PPARGC1A: variants seen among roughly 807,000 people sequenced by gnomAD.
PPARGC1A encodes peroxisome proliferator-activated receptor gamma coactivator 1-alpha.
Under a neutral mutation model 88.7 loss-of-function variants are expected in PPARGC1A, and 25 were observed. That is an observed-to-expected ratio of 0.28 (90% CI 0.21 to 0.39). The LOEUF is 0.39. PPARGC1A is among the 10% of genes least tolerant of loss of function. The pLI is 1.00. For missense variants in PPARGC1A, 880 were observed against 968.7 expected (o/e 0.91, Z 1.22); for synonymous variants, 363 against 355.6 (o/e 1.02, Z -0.24).
intron 1 of PPARGC1A, among the ~76,000 whole-genome samples, chr4:23,896,480 A>C (rs1267737996): frequency 3.3e-5 from 5 of 152,144 alleles, no homozygotes; most frequent in Non-Finnish European, 5.9e-5. Context: ...CAGCTGCTCC[A>C]CTTAGGATGC....
chr4:24,364,663 A>G, the PPARGC1A span, among the ~76,000 whole-genome samples: 12 of 152,260 alleles, frequency 7.9e-5, no homozygotes, highest in Non-Finnish European at 1.0e-4. Context: ...AGAGCAAATA[A>G]TTCCACTTCT....
Position 23,884,923 on chromosome 4 carries a change from A to C in PPARGC1A, c.63T>G (p.Ala21=). The change falls in exon 2 of 13, where the codon GCT becomes GCG. Residue 21 remains alanine, a synonymous_variant. Coordinates refer to ENST00000264867, the MANE Select transcript of PPARGC1A (RefSeq NM_013261.5). ...AAAGAGGCTGGTCTTCACCAACCAG[A>C]GCAGCACACTGCAGGAGGCAGAAAA... ...ESVWSDIECA[A]LVGEDQPLCP... The C allele has an allele frequency of 6.2e-7, 1 of 1,604,288 alleles. No homozygotes were observed. Among genetic ancestry groups the C allele is most frequent in the Non-Finnish European group, 8.5e-7 (1 of 1,175,554 alleles).
At chr4:24,287,635 C>CAT in the PPARGC1A span, among the ~76,000 whole-genome samples, 1 of 4,646 alleles carries the variant, frequency 2.2e-4, no homozygotes, top group South Asian at 0.013. Flanking sequence ...ACACCACATG[C>CAT]ACACACACAC....
the PPARGC1A span, among the ~76,000 whole-genome samples, chr4:24,253,264 T>C: frequency 2.6e-5 from 4 of 152,014 alleles, no homozygotes; most frequent in African/African-American, 9.7e-5. Flanking sequence ...CTTTTACTGC[T>C]CTTTTTGTTC....
At position 23,800,047 on chromosome 4, in the gene PPARGC1A, A is replaced by G. The variant is rs74323903; in HGVS notation, c.2293+1683T>C. Among the ~76,000 whole-genome samples the G allele has an allele frequency of 2.9e-3, 436 of 152,304 alleles. 2 individuals are homozygous for G. Among genetic ancestry groups the G allele is most frequent in the African/African-American group, 1.0e-2 (415 of 41,572 alleles). ...TTCCTACTATCTATTTAGCTTGTGG[A>G]GTGAATTATAGCATATTCCCTGTGA... On this transcript the variant is annotated intron_variant, in intron 12 of 12. Transcript: ENST00000264867.
At chr4:24,086,329 T>C in the PPARGC1A span, among the ~76,000 whole-genome samples, 2 of 152,334 alleles carry the variant, frequency 1.3e-5, no homozygotes, top group South Asian at 2.1e-4. Flanking sequence ...TAGACTTATG[T>C]ACCACCATTC....
chr4:23,874,602 A>T (rs566865720), intron 2 of PPARGC1A, among the ~76,000 whole-genome samples: 1 of 152,068 alleles, frequency 6.6e-6, no homozygotes, highest in African/African-American at 2.4e-5. Context: ...GCACATACAC[A>T]GGCACACACT....
At chr4:24,116,265 T>G in the PPARGC1A span, among the ~76,000 whole-genome samples, 2 of 152,236 alleles carry the variant, frequency 1.3e-5, no homozygotes, top group Admixed American at 6.5e-5. Context: ...GTGCCCTGTC[T>G]GGGCGCTGGC....
chr4:23,901,645 CA>C (rs1354729584), upstream of PPARGC1A, among the ~76,000 whole-genome samples: 1 of 151,792 alleles, frequency 6.6e-6, no homozygotes, highest in African/African-American at 2.4e-5. Flanking sequence ...AGAGGAACCA[CA>C]AAGTATCAAA....
chr4:24,439,037 CA>C, the PPARGC1A span, among the ~76,000 whole-genome samples: 1 of 151,944 alleles, frequency 6.6e-6, no homozygotes, highest in Non-Finnish European at 1.5e-5. Flanking sequence ...GGATGAGATA[CA>C]AAATAAATTG....
chr4:24,157,892 A>T, the PPARGC1A span, among the ~76,000 whole-genome samples: 4,798 of 152,216 alleles, frequency 0.032, 112 homozygotes, highest in Non-Finnish European at 0.045. Flanking sequence ...AGTCAGAAAA[A>T]ATAAAAAAGC....
chr4:23,921,537 G>A, the PPARGC1A span, among the ~76,000 whole-genome samples: 1 of 152,306 alleles, frequency 6.6e-6, no homozygotes, highest in East Asian at 1.9e-4. Context: ...AAAGCCCCCA[G>A]GCACACTGAA....
chr4:23,908,732 AAACTAAAAATCC>A (rs762653294), upstream of PPARGC1A, among the ~76,000 whole-genome samples: 24 of 152,316 alleles, frequency 1.6e-4, no homozygotes, highest in Admixed American at 4.6e-4. Context: ...ATTAAAATTA[AAACTAAAAATCC>A]TTGATAAAAT....
At chr4:24,360,908 G>T in the PPARGC1A span, among the ~76,000 whole-genome samples, 1 of 152,180 alleles carries the variant, frequency 6.6e-6, no homozygotes, top group South Asian at 2.1e-4. Flanking sequence ...AGTACACAGT[G>T]TCTAGTTCAT....
chr4:23,858,545 A>G (rs1272896983), intron 2 of PPARGC1A, among the ~76,000 whole-genome samples: 1 of 152,186 alleles, frequency 6.6e-6, no homozygotes, highest in Admixed American at 6.5e-5. Flanking sequence ...AAGAGAAGAG[A>G]AGGTTGCTGA....
chr4:23,957,509 T>C, the PPARGC1A span, among the ~76,000 whole-genome samples: 1 of 152,130 alleles, frequency 6.6e-6, no homozygotes, highest in Non-Finnish European at 1.5e-5. Context: ...TCTACATCTG[T>C]ATAAAGAAGG....
the PPARGC1A span, among the ~76,000 whole-genome samples, chr4:23,956,720 A>G: frequency 6.6e-6 from 1 of 152,050 alleles, no homozygotes; most frequent in Non-Finnish European, 1.5e-5. Flanking sequence ...ATTTCCCTCC[A>G]TGATTTATAC....
chr4:23,864,674 T>C (rs1470734484), intron 2 of PPARGC1A, among the ~76,000 whole-genome samples: 2 of 152,200 alleles, frequency 1.3e-5, no homozygotes, highest in Non-Finnish European at 2.9e-5. Flanking sequence ...CTTGTGGTTT[T>C]AGGGGGAAAC....
chr4:24,428,976 G>C, the PPARGC1A span, among the ~76,000 whole-genome samples: 1 of 152,164 alleles, frequency 6.6e-6, no homozygotes, highest in Non-Finnish European at 1.5e-5. Flanking sequence ...CCCAACAAAA[G>C]GTCAGAAACT....
Sources: gnomAD v4.1 joint callset for allele counts (sites outside exome capture counted in the v4.1 genomes callset) on GRCh38, gnomAD v4.1.1 for gene constraint, MANE v1.5 for transcripts, NCBI Gene and HGNC (gene_info 2026-07-23, HGNC 2026-07-21) for gene names.